The following ERC2 variants were observed in gnomAD, a reference collection of about 807,000 sequenced individuals.
ERC2 encodes the protein ERC protein 2.
ERC2 carries 42 observed loss-of-function variants against 114.8 expected under a neutral mutation model. The observed-to-expected ratio is 0.37, with a 90% CI of 0.29 to 0.47. The LOEUF is 0.47. Ranked by LOEUF, ERC2 falls within the 20% of genes least tolerant of loss-of-function variation. The probability of loss-of-function intolerance (pLI) is 0.99; values close to 1 mark genes in which losing one functional copy is unlikely to be tolerated. For synonymous variants in ERC2, 454 were observed against 425.5 expected (o/e 1.07, Z -0.82); for missense variants, 939 against 1,150.7 (o/e 0.82, Z 2.66).
chr3:55,922,424 C>T (rs999640897), intron 13 of ERC2, among the ~76,000 whole-genome samples: 2 of 151,970 alleles, frequency 1.3e-5, no homozygotes, highest in South Asian at 2.1e-4. Flanking sequence ...AGAAATCCAG[C>T]GGAAGCAACA....
intron 14 of ERC2, among the ~76,000 whole-genome samples, chr3:55,851,428 A>G (rs1356743507): frequency 6.6e-6 from 1 of 152,182 alleles, no homozygotes. Flanking sequence ...CACACACACA[A>G]CTAGAGGGAA....
intron 2 of ERC2, among the ~76,000 whole-genome samples, chr3:56,432,845 G>A (rs552366981): frequency 6.6e-6 from 1 of 152,248 alleles, no homozygotes; most frequent in South Asian, 2.1e-4. Flanking sequence ...GGGAATTTTT[G>A]AGCCACGTGG....
At chr3:56,040,730 ATC>A (rs1249270538) in intron 7 of ERC2, among the ~76,000 whole-genome samples, 1 of 144,844 alleles carries the variant, frequency 6.9e-6, no homozygotes, top group Non-Finnish European at 1.5e-5. Flanking sequence ...ATATAGATAT[ATC>A]TCTATATATA....
At chr3:55,571,124 CAAA>C (rs60594862) in intron 17 of ERC2, among the ~76,000 whole-genome samples, 7 of 67,440 alleles carry the variant, frequency 1.0e-4, no homozygotes, top group South Asian at 5.2e-4. Flanking sequence ...GAGACTCCGT[CAAA>C]AAAAAAAAAA....
chr3:56,118,759 C>T (rs1168801148), intron 6 of ERC2, among the ~76,000 whole-genome samples: 1 of 151,692 alleles, frequency 6.6e-6, no homozygotes, highest in Non-Finnish European at 1.5e-5. Context: ...GCCTCAGCCT[C>T]CCGAGTAGCT....
intron 3 of ERC2, among the ~76,000 whole-genome samples, chr3:56,188,437 C>T (rs145107256): frequency 7.6e-4 from 116 of 152,294 alleles, no homozygotes; most frequent in African/African-American, 2.7e-3. Flanking sequence ...GTGTTCCCTA[C>T]ACACCCCCAC....
chr3:55,956,706 T>C (rs1300198671), intron 12 of ERC2, among the ~76,000 whole-genome samples: 1 of 152,162 alleles, frequency 6.6e-6, no homozygotes, highest in East Asian at 1.9e-4. Context: ...TCATGGACTT[T>C]TGCACCTTGT....
chr3:56,356,358 G>T (rs1162781680), intron 2 of ERC2, among the ~76,000 whole-genome samples: 1 of 152,210 alleles, frequency 6.6e-6, no homozygotes, highest in South Asian at 2.1e-4. Context: ...GGGTAAAGTG[G>T]CCTGGGCTGA....
At chr3:55,897,386 G>A (rs2063894599) in intron 13 of ERC2, among the ~76,000 whole-genome samples, 1 of 152,184 alleles carries the variant, frequency 6.6e-6, no homozygotes, top group Admixed American at 6.5e-5. Flanking sequence ...TAATGATTTG[G>A]AATTTTTAAA....
chr3:56,032,975 A>AAGAAAGAG, intron 7 of ERC2, among the ~76,000 whole-genome samples: 1 of 71,288 alleles, frequency 1.4e-5, no homozygotes, highest in Non-Finnish European at 3.2e-5. Flanking sequence ...GAAAGAAAGA[A>AAGAAAGAG]AGAGAAAGAA....
chr3:56,188,498 A>T (rs979154169), intron 3 of ERC2, among the ~76,000 whole-genome samples: 1 of 152,162 alleles, frequency 6.6e-6, no homozygotes, highest in Non-Finnish European at 1.5e-5. Flanking sequence ...CTACACAGAC[A>T]ACTTCCCTGG....
intron 6 of ERC2, among the ~76,000 whole-genome samples, chr3:56,101,194 G>C (rs1030286021): frequency 3.9e-5 from 6 of 152,088 alleles, no homozygotes; most frequent in Non-Finnish European, 1.5e-5. Context: ...TGCACTCTGC[G>C]GACTGCAGGC....
At chr3:56,431,177 A>G (rs1330958158) in intron 2 of ERC2, among the ~76,000 whole-genome samples, 2 of 152,254 alleles carry the variant, frequency 1.3e-5, no homozygotes, top group Admixed American at 1.3e-4. Flanking sequence ...GTCTACTGGT[A>G]GCACTAGCAG....
intron 14 of ERC2, among the ~76,000 whole-genome samples, chr3:55,828,600 G>A (rs1559722125): frequency 6.6e-6 from 1 of 152,130 alleles, no homozygotes. Context: ...GGAGGGAAAA[G>A]AGCTGAAGAT....
chr3:56,040,075 T>C (rs935418565), intron 7 of ERC2, among the ~76,000 whole-genome samples: 1 of 152,134 alleles, frequency 6.6e-6, no homozygotes, highest in African/African-American at 2.4e-5. Flanking sequence ...TTTTTGACAT[T>C]GATCTGGCCA....
chr3:55,637,845 T>C (rs954052092), intron 17 of ERC2, among the ~76,000 whole-genome samples: 29 of 152,142 alleles, frequency 1.9e-4, no homozygotes, highest in Non-Finnish European at 1.2e-4. Context: ...GCTATCTACA[T>C]GGGCTAAGAA....
chr3:56,437,318 A>G (rs928701947), intron 1 of ERC2, among the ~76,000 whole-genome samples: 1 of 152,238 alleles, frequency 6.6e-6, no homozygotes, highest in African/African-American at 2.4e-5. Context: ...TGCCTAGCCA[A>G]CCAGCCACTG....
chr3:55,986,255 T>G (rs542293867), intron 11 of ERC2, among the ~76,000 whole-genome samples: 1 of 152,304 alleles, frequency 6.6e-6, no homozygotes, highest in East Asian at 1.9e-4. Context: ...AAAGCACTGA[T>G]GTGAACCAGA....
rs182809831 is a variant in ERC2 at position 56,162,782 on chromosome 3, C to T, written c.1149+10664G>A. Among the ~76,000 whole-genome samples the T allele has an allele frequency of 7.9e-5, 12 of 152,140 alleles. No homozygotes were observed. In the East Asian group the frequency reaches 2.3e-3, roughly 29 times the overall value. On this transcript the variant is annotated intron_variant, in intron 4 of 17. Transcript: ENST00000288221. ...GATCTTTTTTTCTTTGTTAATCTAG[C>T]TAATGGTCTATCAATCTGTCTGTTC... is the stretch of plus-strand genomic sequence containing the variant.
Sources: allele counts gnomAD v4.1 joint callset (sites outside exome capture counted in the v4.1 genomes callset), GRCh38; gene constraint gnomAD v4.1.1; transcripts MANE v1.5; gene names NCBI Gene and HGNC (gene_info 2026-07-23, HGNC 2026-07-21).